The following NDUFAF7 variants were observed in gnomAD, a reference collection of about 807,000 sequenced individuals.
The protein encoded by NDUFAF7 is NADH:ubiquinone oxidoreductase complex assembly factor 7.
NDUFAF7 carries 48 observed loss-of-function variants against 47.2 expected under a neutral mutation model. The observed-to-expected ratio is 1.02, with a 90% CI of 0.81 to 1.29. The LOEUF is 1.29. NDUFAF7 is among the 50% of genes most tolerant of loss of function. The probability of loss-of-function intolerance (pLI) is 0.00; values close to 1 mark genes in which losing one functional copy is unlikely to be tolerated. For synonymous variants in NDUFAF7, 217 were observed against 190.0 expected (o/e 1.14, Z -1.17); for missense variants, 635 against 537.6 (o/e 1.18, Z -1.79).
chr2:37,262,377 A>T, the NDUFAF7 span, among the ~76,000 whole-genome samples: 1 of 152,306 alleles, frequency 6.6e-6, no homozygotes, highest in Non-Finnish European at 1.5e-5. Context: ...TGTTTCAGTT[A>T]TTTTAGCTCA....
chr2:37,262,827 G>C, the NDUFAF7 span, among the ~76,000 whole-genome samples: 1 of 151,948 alleles, frequency 6.6e-6, no homozygotes, highest in African/African-American at 2.4e-5. Context: ...CTTTCATTGA[G>C]AATTACCCAT....
intron 5 of NDUFAF7, 108 bp from the exon 6 acceptor site, chr2:37,242,527 G>C: frequency 1.3e-6 from 1 of 786,536 alleles, no homozygotes; most frequent in East Asian, 2.7e-5. Context: ...ATAATTCTGT[G>C]GTAGTGATGA....
At chr2:37,245,960 A>C in intron 7 of NDUFAF7, 92 bp from the exon 8 acceptor site, 3 of 1,376,340 alleles carry the variant, frequency 2.2e-6, no homozygotes, top group Non-Finnish European at 3.0e-6. Flanking sequence ...ATTAAAACTA[A>C]GAAATGCTCA....
intron 3 of NDUFAF7, among the ~76,000 whole-genome samples, chr2:37,237,267 G>C (rs1481291312): frequency 6.6e-6 from 1 of 152,216 alleles, no homozygotes; most frequent in Non-Finnish European, 1.5e-5. Context: ...ACCACGCCCA[G>C]CCAAGTCTTC....
Position 37,248,227 on chromosome 2 carries a change from A to T in NDUFAF7, c.1203A>T (p.Arg401Ser). The T allele has an allele frequency of 1.2e-6, 2 of 1,613,898 alleles. No homozygotes were observed. Among genetic ancestry groups the T allele is most frequent in the African/African-American group, 1.3e-5 (1 of 75,006 alleles). ...TGAATCCAAAGAAGATGGGAGAGAG[A>T]TTTAACTTTTTTGCCTTGCTACCTC... ...MLMNPKKMGE[R>S]FNFFALLPHQ... Residue 401 changes from arginine to serine, a missense_variant, in exon 10 of 10, where the codon AGA becomes AGT. Arg to Ser is a moderately radical substitution (Grantham distance 110). Transcript: ENST00000002125.
At chr2:37,261,742 T>C in the NDUFAF7 span, among the ~76,000 whole-genome samples, 1 of 152,324 alleles carries the variant, frequency 6.6e-6, no homozygotes, top group East Asian at 1.9e-4. Flanking sequence ...ATTGCGCCAT[T>C]GCACTCTAGC....
At chr2:37,265,878 T>C in the NDUFAF7 span, among the ~76,000 whole-genome samples, 1 of 152,178 alleles carries the variant, frequency 6.6e-6, no homozygotes, top group African/African-American at 2.4e-5. Context: ...TTATGATCCA[T>C]AGCTGATAAG....
chr2:37,263,836 A>G, the NDUFAF7 span, among the ~76,000 whole-genome samples: 1 of 152,108 alleles, frequency 6.6e-6, no homozygotes, highest in East Asian at 1.9e-4. Context: ...TTGAATTCTC[A>G]TCTTTTTTTT....
chr2:37,270,368 A>C, the NDUFAF7 span, among the ~76,000 whole-genome samples: 1 of 150,866 alleles, frequency 6.6e-6, no homozygotes, highest in African/African-American at 2.4e-5. Context: ...AAAAAAAAAA[A>C]CTCAAAAGTT....
At chr2:37,254,986 T>A (rs1572598370), downstream of NDUFAF7, among the ~76,000 whole-genome samples, 1 of 152,244 alleles carries the variant, frequency 6.6e-6, no homozygotes, top group Non-Finnish European at 1.5e-5. Context: ...CAGCCCTATA[T>A]AATGGTACAT....
the NDUFAF7 span, among the ~76,000 whole-genome samples, chr2:37,259,844 A>G: frequency 6.6e-6 from 1 of 152,222 alleles, no homozygotes; most frequent in Non-Finnish European, 1.5e-5. Context: ...ACAATCACCC[A>G]ACATGTAAAA....
At chr2:37,243,813 T>C in intron 6 of NDUFAF7, 50 bp from the exon 7 acceptor site, 1 of 1,383,644 alleles carries the variant, frequency 7.2e-7, no homozygotes, top group Non-Finnish European at 1.0e-6. Context: ...AGAAGCAATG[T>C]AGAGAACAAA....
intron 4 of NDUFAF7, among the ~76,000 whole-genome samples, chr2:37,238,313 C>T (rs951050478): frequency 3.9e-5 from 6 of 152,004 alleles, no homozygotes; most frequent in African/African-American, 9.7e-5. Context: ...ATCTGTAATC[C>T]AGCTACTCAG....
At chr2:37,256,425 A>G (rs555850517), downstream of NDUFAF7, among the ~76,000 whole-genome samples, 5 of 152,320 alleles carry the variant, frequency 3.3e-5, no homozygotes, top group East Asian at 7.7e-4. Flanking sequence ...TGGTTTGACA[A>G]TGAGGCCACT....
downstream of NDUFAF7, among the ~76,000 whole-genome samples, chr2:37,256,045 T>G (rs1175006607): frequency 6.6e-6 from 1 of 152,150 alleles, no homozygotes; most frequent in African/African-American, 2.4e-5. Context: ...AAAGCCCAAA[T>G]GTTTTTTAGC....
intron 7 of NDUFAF7, among the ~76,000 whole-genome samples, chr2:37,245,737 A>C (rs1398886285): frequency 6.6e-6 from 1 of 152,174 alleles, no homozygotes; most frequent in African/African-American, 2.4e-5. Flanking sequence ...TGTTTATATG[A>C]TTTGTGATAC....
the NDUFAF7 span, among the ~76,000 whole-genome samples, chr2:37,262,904 C>CCG: frequency 5.4e-5 from 8 of 149,242 alleles, no homozygotes; most frequent in African/African-American, 2.0e-4. Context: ...TTCCCCCCCC[C>CCG]GTATTTGTGG....
chr2:37,266,991 C>T, the NDUFAF7 span, among the ~76,000 whole-genome samples: 1 of 152,122 alleles, frequency 6.6e-6, no homozygotes, highest in Non-Finnish European at 1.5e-5. Flanking sequence ...GAAATCATTG[C>T]CAATATATCT....
downstream of NDUFAF7, among the ~76,000 whole-genome samples, chr2:37,257,362 A>G (rs1668034676): frequency 6.6e-6 from 1 of 152,144 alleles, no homozygotes; most frequent in Non-Finnish European, 1.5e-5. Flanking sequence ...TGTTTGCTGA[A>G]GGAAAAATAA....
Sources: allele counts gnomAD v4.1 joint callset (sites outside exome capture counted in the v4.1 genomes callset), GRCh38; gene constraint gnomAD v4.1.1; transcripts MANE v1.5; gene names NCBI Gene and HGNC (gene_info 2026-07-23, HGNC 2026-07-21).